ROBO1: variants seen among roughly 807,000 people sequenced by gnomAD.
ROBO1 encodes the protein roundabout guidance receptor 1, also known as roundabout homolog 1.
Under a neutral mutation model 195.9 loss-of-function variants are expected in ROBO1, and 149 were observed. The ratio of observed to expected loss-of-function variants is 0.76; its 90% CI spans 0.67 to 0.87. ROBO1 has a LOEUF of 0.87. Ranked by LOEUF, ROBO1 falls within the 40% of genes least tolerant of loss-of-function variation. The pLI, the probability that ROBO1 is intolerant of heterozygous loss-of-function variation, is 0.00. For missense variants in ROBO1, 1,933 were observed against 2,068.3 expected (o/e 0.93, Z 1.27); for synonymous variants, 816 against 733.2 (o/e 1.11, Z -1.82).
chr3:79,673,600 G>T (rs973815464), intron 1 of ROBO1, among the ~76,000 whole-genome samples: 7 of 151,928 alleles, frequency 4.6e-5, no homozygotes, highest in African/African-American at 1.7e-4. Context: ...TGAGCATTGA[G>T]AAAAAGGGTT....
At chr3:78,991,987 C>G (rs1299871856) in intron 3 of ROBO1, among the ~76,000 whole-genome samples, 1 of 152,000 alleles carries the variant, frequency 6.6e-6, no homozygotes, top group African/African-American at 2.4e-5. Flanking sequence ...CTAGCACATA[C>G]TTGTAGAAAT....
chr3:79,018,717 C>G (rs1044891233), intron 3 of ROBO1: 1 of 1,292,224 alleles, frequency 7.7e-7, no homozygotes, highest in African/African-American at 1.5e-5. Flanking sequence ...CAGACACTTT[C>G]AAGAACCATC....
chr3:79,426,496 A>G (rs1039093677), intron 2 of ROBO1, among the ~76,000 whole-genome samples: 24 of 151,946 alleles, frequency 1.6e-4, no homozygotes, highest in Non-Finnish European at 2.6e-4. Flanking sequence ...CAGCCTCCCA[A>G]TTAGCTGGGA....
At chr3:79,491,347 T>C (rs1428972718) in intron 2 of ROBO1, among the ~76,000 whole-genome samples, 1 of 152,158 alleles carries the variant, frequency 6.6e-6, no homozygotes, top group Non-Finnish European at 1.5e-5. Context: ...ATCTGGAAGC[T>C]GGGTTCTCTT....
intron 1 of ROBO1, among the ~76,000 whole-genome samples, chr3:79,713,525 G>C (rs1192936596): frequency 1.3e-5 from 2 of 152,124 alleles, no homozygotes; most frequent in Non-Finnish European, 2.9e-5. Context: ...AGTAACTGCA[G>C]ATGGAGTAGA....
At chr3:79,039,895 G>A (rs928228774) in intron 3 of ROBO1, among the ~76,000 whole-genome samples, 7 of 149,970 alleles carry the variant, frequency 4.7e-5, no homozygotes, top group African/African-American at 1.7e-4. Context: ...TTTGTAAAAT[G>A]AGGACAATAA....
chr3:78,996,502 C>T (rs1278242548), intron 3 of ROBO1, among the ~76,000 whole-genome samples: 2 of 152,268 alleles, frequency 1.3e-5, no homozygotes, highest in East Asian at 3.9e-4. Flanking sequence ...CAAGTCACTG[C>T]AACATCACCC....
chr3:78,854,295 T>C (rs949024126), intron 4 of ROBO1, among the ~76,000 whole-genome samples: 9 of 147,128 alleles, frequency 6.1e-5, no homozygotes, highest in Admixed American at 4.1e-4. Flanking sequence ...GTATTATATA[T>C]AAAACTATAA....
chr3:78,680,845 A>G (rs928682923), intron 10 of ROBO1, among the ~76,000 whole-genome samples: 3 of 149,750 alleles, frequency 2.0e-5, no homozygotes, highest in African/African-American at 7.5e-5. Flanking sequence ...ATATAACCAA[A>G]GGACTATAAA....
At chr3:79,193,319 C>A (rs866169688) in intron 2 of ROBO1, among the ~76,000 whole-genome samples, 4 of 151,590 alleles carry the variant, frequency 2.6e-5, no homozygotes, top group Non-Finnish European at 5.9e-5. Flanking sequence ...TCAGGACATA[C>A]TTTTCCAATC....
At chr3:79,694,434 G>A in intron 1 of ROBO1, among the ~76,000 whole-genome samples, 1 of 151,718 alleles carries the variant, frequency 6.6e-6, no homozygotes, top group Non-Finnish European at 1.5e-5. Flanking sequence ...GGAAGGTGTG[G>A]TTTACCACCC....
intron 2 of ROBO1, among the ~76,000 whole-genome samples, chr3:79,204,290 G>A (rs1396287079): frequency 6.6e-6 from 1 of 151,772 alleles, no homozygotes. Flanking sequence ...TTTCCCGACT[G>A]AACTATCAAA....
At chr3:79,160,675 CA>C (rs2080942017) in intron 2 of ROBO1, among the ~76,000 whole-genome samples, 1 of 151,788 alleles carries the variant, frequency 6.6e-6, no homozygotes, top group African/African-American at 2.4e-5. Context: ...ACTAGTTGTC[CA>C]AAAAAACTGT....
At chr3:79,235,146 G>T (rs2082385102) in intron 2 of ROBO1, among the ~76,000 whole-genome samples, 1 of 151,968 alleles carries the variant, frequency 6.6e-6, no homozygotes, top group Admixed American at 6.6e-5. Flanking sequence ...TAAAGGGAAA[G>T]ATAAATGAGA....
intron 8 of ROBO1, among the ~76,000 whole-genome samples, chr3:78,697,721 C>T (rs2081332492): frequency 6.6e-6 from 1 of 152,086 alleles, no homozygotes. Context: ...TCTTAAAGTG[C>T]TTTCAGTGCT....
intron 1 of ROBO1, among the ~76,000 whole-genome samples, chr3:79,611,927 A>G (rs1944671086): frequency 1.3e-5 from 2 of 152,122 alleles, no homozygotes; most frequent in Admixed American, 6.6e-5. Flanking sequence ...AAGAAAATAA[A>G]TAAAAAAAGA....
intron 2 of ROBO1, among the ~76,000 whole-genome samples, chr3:79,174,562 C>T (rs937528348): frequency 1.3e-5 from 2 of 152,172 alleles, no homozygotes; most frequent in African/African-American, 4.8e-5. Flanking sequence ...AATTTTACTT[C>T]ATAGTCCGTA....
At chr3:78,755,381 G>A (rs997110189) in intron 4 of ROBO1, among the ~76,000 whole-genome samples, 10 of 152,106 alleles carry the variant, frequency 6.6e-5, no homozygotes, top group Non-Finnish European at 1.5e-4. Context: ...GACTGAGGTA[G>A]GAGGATCGCT....
intron 1 of ROBO1, among the ~76,000 whole-genome samples, chr3:79,700,309 G>GTGTGTT (rs1947580532): frequency 2.3e-5 from 2 of 88,442 alleles, no homozygotes; most frequent in Admixed American, 1.5e-4. Context: ...GTGTTTGTGT[G>GTGTGTT]TGTGTGTTTG....
Sources: gnomAD v4.1 joint callset for allele counts (sites outside exome capture counted in the v4.1 genomes callset) on GRCh38, gnomAD v4.1.1 for gene constraint, MANE v1.5 for transcripts, NCBI Gene and HGNC (gene_info 2026-07-23, HGNC 2026-07-21) for gene names.